Variants in SLC25A48 observed in about 807,000 individuals in gnomAD.
The protein encoded by SLC25A48 is solute carrier family 25 member 48.
In SLC25A48, 29 loss-of-function variants were observed where a neutral mutation model predicts 32.2. The observed-to-expected ratio is 0.90, with a 90% CI of 0.67 to 1.23. The LOEUF is 1.23. Ranked by LOEUF, SLC25A48 falls within the 50% of genes most tolerant of loss-of-function variation. The pLI, the probability that SLC25A48 is intolerant of heterozygous loss-of-function variation, is 0.00. For missense variants in SLC25A48, 399 were observed against 422.7 expected, an observed-to-expected ratio of 0.94 and a Z score of 0.49; for synonymous variants, 164 against 172.3, an observed-to-expected ratio of 0.95 and a Z score of 0.38.
At chr5:135,767,169 A>G (rs1271921130) in intron 3 of SLC25A48, among the ~76,000 whole-genome samples, 1 of 132,186 alleles carries the variant, frequency 7.6e-6, no homozygotes, top group Admixed American at 8.5e-5. Flanking sequence ...ATTGCTCCCA[A>G]TATTTCAGGA....
chr5:135,642,227 G>T (rs752137644), intron 3 of SLC25A48, among the ~76,000 whole-genome samples: 21 of 152,208 alleles, frequency 1.4e-4, no homozygotes, highest in Admixed American at 1.0e-3. Flanking sequence ...AATTACCTTT[G>T]TTTAGAGGGA....
intron 4 of SLC25A48, among the ~76,000 whole-genome samples, chr5:135,815,670 T>C (rs1382487666): frequency 6.6e-6 from 1 of 152,172 alleles, no homozygotes; most frequent in African/African-American, 2.4e-5. Flanking sequence ...TATCCATCCA[T>C]GTCTACAGAT....
chr5:135,608,220 C>T (rs939300383), intron 1 of SLC25A48, among the ~76,000 whole-genome samples: 1 of 152,146 alleles, frequency 6.6e-6, no homozygotes, highest in Non-Finnish European at 1.5e-5. Context: ...TAAGACTGAT[C>T]CTTTATATGC....
intron 3 of SLC25A48, among the ~76,000 whole-genome samples, chr5:135,660,052 C>T (rs76364163): frequency 0.034 from 5,150 of 152,258 alleles, 297 homozygotes; most frequent in African/African-American, 0.12. Flanking sequence ...GATGCCTCCA[C>T]TCATTCCTTG....
chr5:135,669,191 G>T (rs1342730203), intron 3 of SLC25A48, among the ~76,000 whole-genome samples: 1 of 152,124 alleles, frequency 6.6e-6, no homozygotes, highest in Non-Finnish European at 1.5e-5. Context: ...GGCCTTCAAA[G>T]AACCTATCTG....
At chr5:135,797,245 G>A (rs548095148) in intron 3 of SLC25A48, among the ~76,000 whole-genome samples, 1 of 152,034 alleles carries the variant, frequency 6.6e-6, no homozygotes, top group African/African-American at 2.4e-5. Context: ...GAAGTGGAGA[G>A]CATGATATTA....
chr5:135,763,491 C>T (rs1484375594), intron 3 of SLC25A48, among the ~76,000 whole-genome samples: 2 of 152,098 alleles, frequency 1.3e-5, no homozygotes, highest in Non-Finnish European at 2.9e-5. Context: ...CCTGTTTACC[C>T]AGCCCCAGAT....
chr5:135,805,011 G>A (rs1757429243), intron 3 of SLC25A48, among the ~76,000 whole-genome samples: 1 of 151,370 alleles, frequency 6.6e-6, no homozygotes, highest in Non-Finnish European at 1.5e-5. Context: ...ATCACAGTTA[G>A]TGTGCACCCT....
intron 3 of SLC25A48, among the ~76,000 whole-genome samples, chr5:135,851,861 A>G (rs2126736390): frequency 6.6e-6 from 1 of 151,494 alleles, no homozygotes; most frequent in East Asian, 2.0e-4. Flanking sequence ...GGCCTGCAGC[A>G]CCCCCTCCTC....
chr5:135,616,804 G>C (rs996017963), intron 1 of SLC25A48, among the ~76,000 whole-genome samples: 2 of 152,138 alleles, frequency 1.3e-5, no homozygotes, highest in Admixed American at 6.5e-5. Flanking sequence ...ATTTGTGGGA[G>C]AACGAACTAA....
At chr5:135,830,926 C>G (rs1758187885), upstream of SLC25A48, among the ~76,000 whole-genome samples, 1 of 152,154 alleles carries the variant, frequency 6.6e-6, no homozygotes, top group Non-Finnish European at 1.5e-5. Context: ...GACTGAGCGG[C>G]ATGGTGAGAG....
At chr5:135,710,297 T>A (rs894981405) in intron 3 of SLC25A48, among the ~76,000 whole-genome samples, 1 of 152,256 alleles carries the variant, frequency 6.6e-6, no homozygotes, top group Non-Finnish European at 1.5e-5. Context: ...CCTCAATTAC[T>A]GTCATTGGGA....
At chr5:135,813,524 T>C (rs2126653086) in intron 4 of SLC25A48, among the ~76,000 whole-genome samples, 1 of 152,248 alleles carries the variant, frequency 6.6e-6, no homozygotes, top group Admixed American at 6.5e-5. Context: ...GAAGGAGAGC[T>C]ATAAGACCCT....
At chr5:135,603,214 A>T (rs760154667) in intron 1 of SLC25A48, among the ~76,000 whole-genome samples, 4 of 152,106 alleles carry the variant, frequency 2.6e-5, no homozygotes, top group Non-Finnish European at 5.9e-5. Context: ...TCATACATTC[A>T]TCTGGTTCCT....
intron 3 of SLC25A48, among the ~76,000 whole-genome samples, chr5:135,659,626 T>C (rs1399563988): frequency 1.3e-5 from 2 of 152,220 alleles, no homozygotes; most frequent in Non-Finnish European, 2.9e-5. Flanking sequence ...TAGTCTGTTC[T>C]CACACTGCTG....
At chr5:135,752,432 A>C (rs192267711) in intron 3 of SLC25A48, among the ~76,000 whole-genome samples, 16 of 152,288 alleles carry the variant, frequency 1.1e-4, no homozygotes, top group African/African-American at 3.4e-4. Flanking sequence ...ATTAGGAGTA[A>C]TATCTTTCTA....
At chr5:135,747,985 A>G (rs570691458) in intron 3 of SLC25A48, among the ~76,000 whole-genome samples, 2 of 152,300 alleles carry the variant, frequency 1.3e-5, no homozygotes, top group South Asian at 2.1e-4. Flanking sequence ...TTAGTAACAC[A>G]TGGTCCCAGC....
intron 2 of SLC25A48, among the ~76,000 whole-genome samples, chr5:135,632,069 A>G (rs1342766660): frequency 6.6e-6 from 1 of 152,214 alleles, no homozygotes; most frequent in Non-Finnish European, 1.5e-5. Flanking sequence ...GTGTAAGGCT[A>G]ACTTCAGTGT....
At chr5:135,728,117 A>G (rs1194246374) in intron 3 of SLC25A48, among the ~76,000 whole-genome samples, 1 of 151,978 alleles carries the variant, frequency 6.6e-6, no homozygotes, top group Non-Finnish European at 1.5e-5. Context: ...TTAGCTGGGC[A>G]TGGTGGTGGG....
Sources: gnomAD v4.1 joint callset for allele counts (sites outside exome capture counted in the v4.1 genomes callset) on GRCh38, gnomAD v4.1.1 for gene constraint, MANE v1.5 for transcripts, NCBI Gene and HGNC (gene_info 2026-07-23, HGNC 2026-07-21) for gene names.